The following PDE12 variants were observed in gnomAD, a reference collection of about 807,000 sequenced individuals.
PDE12 encodes 2',5'-phosphodiesterase 12.
PDE12 carries 26 observed loss-of-function variants against 45.4 expected under a neutral mutation model. The ratio of observed to expected loss-of-function variants is 0.57; its 90% CI spans 0.42 to 0.79. The LOEUF is 0.79. PDE12 is among the 30% of genes least tolerant of loss of function. PDE12 has a pLI of 0.00. For synonymous variants in PDE12, 283 were observed against 323.9 expected (o/e 0.87, Z 1.36); for missense variants, 668 against 790.0 (o/e 0.85, Z 1.85).
the PDE12 span, among the ~76,000 whole-genome samples, chr3:57,648,217 C>CA: frequency 6.6e-6 from 1 of 152,086 alleles, no homozygotes; most frequent in Non-Finnish European, 1.5e-5. Context: ...ACACCAACAG[C>CA]AACCAAGCTG....
the PDE12 span, chr3:57,596,906 C>T: frequency 3.1e-6 from 2 of 654,370 alleles, no homozygotes; most frequent in Admixed American, 5.8e-5. Flanking sequence ...CGGGGGGGAT[C>T]GCTCACCCTC....
the PDE12 span, among the ~76,000 whole-genome samples, chr3:57,624,561 C>T: frequency 2.0e-5 from 3 of 151,848 alleles, no homozygotes; most frequent in Non-Finnish European, 4.4e-5. Flanking sequence ...GTCAGGAGTT[C>T]GAGACCAGCC....
chr3:57,618,774 A>C, the PDE12 span, among the ~76,000 whole-genome samples: 1 of 150,726 alleles, frequency 6.6e-6, no homozygotes, highest in African/African-American at 2.4e-5. Flanking sequence ...ACATCTGGCT[A>C]ATTTTGTATT....
At chr3:57,641,099 A>C in the PDE12 span, among the ~76,000 whole-genome samples, 1 of 149,784 alleles carries the variant, frequency 6.7e-6, no homozygotes, top group Non-Finnish European at 1.5e-5. Context: ...GCAGTATTGG[A>C]AAGTTCTGTT....
the PDE12 span, among the ~76,000 whole-genome samples, chr3:57,589,590 C>T: frequency 1.1e-4 from 16 of 151,196 alleles, no homozygotes; most frequent in East Asian, 1.2e-3. Flanking sequence ...TGGTGGCTGG[C>T]GCCTGTAAAC....
At chr3:57,558,684 G>C (rs1258649755) in intron 1 of PDE12, among the ~76,000 whole-genome samples, 1 of 150,706 alleles carries the variant, frequency 6.6e-6, no homozygotes, top group Non-Finnish European at 1.5e-5. Flanking sequence ...GGGGTTTGGG[G>C]TTTCACCATG....
chr3:57,602,173 C>G, the PDE12 span, among the ~76,000 whole-genome samples: 1 of 152,098 alleles, frequency 6.6e-6, no homozygotes, highest in Non-Finnish European at 1.5e-5. Flanking sequence ...TGTGCATTAT[C>G]CCATTTAATC....
the PDE12 span, among the ~76,000 whole-genome samples, chr3:57,598,478 G>A: frequency 6.6e-6 from 1 of 152,144 alleles, no homozygotes; most frequent in Admixed American, 6.5e-5. Context: ...GTGGCCCTGG[G>A]CAATTAAAAG....
the PDE12 span, chr3:57,641,853 A>C: frequency 0.84 from 683,003 of 813,006 alleles, 288,613 homozygotes; most frequent in East Asian, 1. Flanking sequence ...ACACAGATTG[A>C]TTTTTCCTTT....
chr3:57,599,726 C>T, the PDE12 span, among the ~76,000 whole-genome samples: 1 of 152,072 alleles, frequency 6.6e-6, no homozygotes, highest in Non-Finnish European at 1.5e-5. Context: ...ACTGTAATAT[C>T]TCTATTGTAC....
chr3:57,650,634 T>G, the PDE12 span, among the ~76,000 whole-genome samples: 23 of 152,132 alleles, frequency 1.5e-4, no homozygotes, highest in African/African-American at 5.6e-4. Context: ...TACAAGATGA[T>G]CTGGAACCCA....
chr3:57,605,720 T>G, the PDE12 span, among the ~76,000 whole-genome samples: 2 of 152,126 alleles, frequency 1.3e-5, no homozygotes, highest in Non-Finnish European at 1.5e-5. Context: ...AAGGAATACA[T>G]GACCATCATG....
the PDE12 span, among the ~76,000 whole-genome samples, chr3:57,647,582 C>G: frequency 6.6e-6 from 1 of 152,144 alleles, no homozygotes; most frequent in East Asian, 1.9e-4. Flanking sequence ...AGACAGGTAG[C>G]CTGATGAGTA....
the PDE12 span, among the ~76,000 whole-genome samples, chr3:57,604,301 T>C: frequency 6.6e-6 from 1 of 152,038 alleles, no homozygotes. Flanking sequence ...AATCTACAAA[T>C]TTTTTTTCTC....
the PDE12 span, among the ~76,000 whole-genome samples, chr3:57,656,089 C>T: frequency 6.6e-6 from 1 of 152,078 alleles, no homozygotes; most frequent in Non-Finnish European, 1.5e-5. Flanking sequence ...TTTTAAAAGT[C>T]ACATTTATAA....
At chr3:57,628,373 A>C in the PDE12 span, 4 of 1,607,342 alleles carry the variant, frequency 2.5e-6, no homozygotes, top group Admixed American at 6.8e-5. Context: ...CATAACATTT[A>C]AATTATCCTC....
the PDE12 span, among the ~76,000 whole-genome samples, chr3:57,580,649 C>T: frequency 6.6e-6 from 1 of 152,098 alleles, no homozygotes; most frequent in East Asian, 1.9e-4. Context: ...GTATCATGGC[C>T]TCCCAAAGTG....
chr3:57,603,098 C>T, the PDE12 span, among the ~76,000 whole-genome samples: 2 of 151,406 alleles, frequency 1.3e-5, no homozygotes, highest in Non-Finnish European at 1.5e-5. Flanking sequence ...ACCCGGGAGG[C>T]GGAGGTTGCA....
chr3:57,646,233 G>C, the PDE12 span: 4 of 1,515,978 alleles, frequency 2.6e-6, no homozygotes, highest in Non-Finnish European at 3.5e-6. Flanking sequence ...ACGACAGGTG[G>C]GAAGTGCTGC....
Sources: allele counts gnomAD v4.1 joint callset (sites outside exome capture counted in the v4.1 genomes callset), GRCh38; gene constraint gnomAD v4.1.1; transcripts MANE v1.5; gene names NCBI Gene and HGNC (gene_info 2026-07-23, HGNC 2026-07-21).